FOXN3: variants seen among roughly 807,000 people sequenced by gnomAD.
FOXN3 encodes forkhead box protein N3.
A neutral mutation model predicts 38.4 loss-of-function variants in FOXN3; 7 were observed. That is an observed-to-expected ratio of 0.18 (90% CI 0.10 to 0.34). FOXN3 has a LOEUF of 0.34. Among genes scored for constraint, FOXN3 ranks in the 10% least tolerant of loss-of-function variants. The pLI, the probability that FOXN3 is intolerant of heterozygous loss-of-function variation, is 1.00. For missense variants in FOXN3, 456 were observed against 613.4 expected (o/e 0.74, Z 2.71); for synonymous variants, 230 against 242.2 (o/e 0.95, Z 0.47).
At position 89,162,927 on chromosome 14, in the gene FOXN3, T is replaced by G. The variant is rs780453992; in HGVS notation, c.894A>C (p.Pro298=). 6.3e-7 allele frequency: 1 copy of G among 1,588,646 alleles called. No individual in the cohort carries two copies. The highest frequency in any genetic ancestry group is 1.7e-5 in the Admixed American group (1 of 58,768). ...TSCRMRTESE[P]SCGSPVVSGD... is the part of the protein sequence containing the mutation. ...CGCTGACCACTGGGGAGCCACAAGATGGCTCACTCTCAGTCCGCATCCGGC... is the reference window on the plus strand; with the variant it reads ...CGCTGACCACTGGGGAGCCACAAGAGGGCTCACTCTCAGTCCGCATCCGGC... The change falls in exon 6 of 6, where the codon CCA becomes CCC. Residue 298 remains proline (P), a synonymous_variant. Coordinates refer to ENST00000557258, the MANE Select transcript of FOXN3 (RefSeq NM_005197.4). This position sits in a 1 kb window ranked among gnomAD's most constrained non-coding sequence, Gnocchi z 7.2.
intron 1 of FOXN3, among the ~76,000 whole-genome samples, chr14:89,415,884 C>CACACA (rs1566647933): frequency 1.1e-5 from 1 of 93,262 alleles, no homozygotes; most frequent in Non-Finnish European, 2.1e-5. Flanking sequence ...ACACACACAC[C>CACACA]CTCTTTTGTT....
chr14:89,401,341 C>T (rs1163013635), intron 2 of FOXN3, among the ~76,000 whole-genome samples: 1 of 152,132 alleles, frequency 6.6e-6, no homozygotes, highest in African/African-American at 2.4e-5. Context: ...ACTCAGGAGG[C>T]TGAGGCAGAA....
intron 3 of FOXN3, among the ~76,000 whole-genome samples, chr14:89,288,641 T>G (rs1596156337): frequency 1.3e-5 from 1 of 79,358 alleles, no homozygotes; most frequent in Non-Finnish European, 2.5e-5. Flanking sequence ...GGAAACGACA[T>G]ACTCCAAAGG....
chr14:89,583,068 A>G (rs1895776239), intron 1 of FOXN3, among the ~76,000 whole-genome samples: 1 of 152,218 alleles, frequency 6.6e-6, no homozygotes, highest in Non-Finnish European at 1.5e-5. Context: ...GCTGCTATGA[A>G]GATTACATAC....
chr14:89,236,433 T>C (rs895873882), intron 4 of FOXN3, among the ~76,000 whole-genome samples: 1 of 152,014 alleles, frequency 6.6e-6, no homozygotes, highest in African/African-American at 2.4e-5. Context: ...GAGAATGGGG[T>C]GAACCCGGGA....
At chr14:89,186,457 A>G (rs943266652) in intron 4 of FOXN3, among the ~76,000 whole-genome samples, 1 of 152,078 alleles carries the variant, frequency 6.6e-6, no homozygotes, top group Non-Finnish European at 1.5e-5. Context: ...AAGCTGACTC[A>G]CGGGGCTTGT....
At chr14:89,559,466 G>A (rs913072741) in intron 1 of FOXN3, among the ~76,000 whole-genome samples, 8 of 152,076 alleles carry the variant, frequency 5.3e-5, no homozygotes, top group African/African-American at 9.6e-5. Flanking sequence ...TCACCAGGTC[G>A]GGAGATGGAG....
intron 3 of FOXN3, among the ~76,000 whole-genome samples, chr14:89,283,536 A>C (rs1484214371): frequency 6.6e-6 from 1 of 152,166 alleles, no homozygotes; most frequent in African/African-American, 2.4e-5. Context: ...AACCACAGTA[A>C]TTCAGAGATG....
intron 1 of FOXN3, among the ~76,000 whole-genome samples, chr14:89,474,718 T>C (rs992144711): frequency 2.0e-5 from 3 of 152,196 alleles, no homozygotes; most frequent in Non-Finnish European, 4.4e-5. Flanking sequence ...ATGTCTCGGG[T>C]AGAAGAGCCA....
At position 89,236,298 on chromosome 14, in the gene FOXN3, G is replaced by A. The variant is rs1884978364; in HGVS notation, c.745+44652C>T. On this transcript the variant is annotated intron_variant, in intron 4 of 5. Transcript: ENST00000557258. ...TGGGAGGCCGAGGCGGGTGGATCACGAGGTCAGGAGATCGAGACCATCCTG... is the reference window on the plus strand; with the variant it reads ...TGGGAGGCCGAGGCGGGTGGATCACAAGGTCAGGAGATCGAGACCATCCTG... Among the ~76,000 whole-genome samples the A allele has an allele frequency of 1.3e-5, 2 of 152,128 alleles. 1 individual carries two copies. The highest frequency in any genetic ancestry group is 4.1e-4 in the South Asian group (2 of 4,822).
chr14:89,551,531 G>A (rs1895005934), intron 1 of FOXN3, among the ~76,000 whole-genome samples: 1 of 152,090 alleles, frequency 6.6e-6, no homozygotes, highest in African/African-American at 2.4e-5. Flanking sequence ...CCAAGGTACA[G>A]AGTTCACAGT....
intron 3 of FOXN3, 137 bp downstream of exon 3, chr14:89,350,535 T>A: frequency 1.4e-6 from 1 of 737,542 alleles, no homozygotes; most frequent in African/African-American, 1.9e-5. Flanking sequence ...TGCCTCCTAA[T>A]AATACTTAAT....
chr14:89,531,042 ATTT>A, intron 1 of FOXN3, among the ~76,000 whole-genome samples: 1 of 147,902 alleles, frequency 6.8e-6, no homozygotes, highest in African/African-American at 2.5e-5. Context: ...ATATATACAC[ATTT>A]ATTATATATA....
At chr14:89,165,061 G>A (rs1566918865) in intron 5 of FOXN3, among the ~76,000 whole-genome samples, 2 of 152,126 alleles carry the variant, frequency 1.3e-5, no homozygotes, top group Non-Finnish European at 2.9e-5. Flanking sequence ...CTAGATGTCC[G>A]AGAGCCTCCT....
chr14:89,386,403 C>G (rs1049717238), intron 2 of FOXN3, among the ~76,000 whole-genome samples: 4 of 152,230 alleles, frequency 2.6e-5, no homozygotes, highest in Non-Finnish European at 5.9e-5. Context: ...GCCGCAGAGG[C>G]CTGCCCTGCA....
At chr14:89,341,092 C>A (rs1345002628) in intron 3 of FOXN3, among the ~76,000 whole-genome samples, 1 of 152,166 alleles carries the variant, frequency 6.6e-6, no homozygotes, top group African/African-American at 2.4e-5. Flanking sequence ...GAAGCGATAA[C>A]CCTGCAGTTC....
intron 3 of FOXN3, among the ~76,000 whole-genome samples, chr14:89,311,292 G>A (rs1886318988): frequency 6.7e-6 from 1 of 149,686 alleles, no homozygotes; most frequent in African/African-American, 2.5e-5. Flanking sequence ...CCAACATGGT[G>A]AAACCCTGTC....
intron 4 of FOXN3, among the ~76,000 whole-genome samples, chr14:89,238,568 A>G (rs11844571): frequency 0.037 from 5,680 of 152,342 alleles, 327 homozygotes; most frequent in African/African-American, 0.13. Context: ...CACTAGCCAC[A>G]CAGTGGCTTA....
intron 3 of FOXN3, among the ~76,000 whole-genome samples, chr14:89,299,050 T>C (rs1423368785): frequency 6.8e-6 from 1 of 147,824 alleles, no homozygotes; most frequent in Non-Finnish European, 1.5e-5. Flanking sequence ...GGAAAAACTA[T>C]AGATCCTCCA....
Sources: gnomAD v4.1 joint callset for allele counts (sites outside exome capture counted in the v4.1 genomes callset) on GRCh38, gnomAD v4.1.1 for gene constraint, Gnocchi (gnomAD v3.1) non-coding constraint, MANE v1.5 for transcripts, NCBI Gene and HGNC (gene_info 2026-07-23, HGNC 2026-07-21) for gene names.